KCNH8: variants seen among roughly 807,000 people sequenced by gnomAD.
KCNH8 encodes the protein potassium voltage-gated channel subfamily H member 8.
A neutral mutation model predicts 103.6 loss-of-function variants in KCNH8; 70 were observed. The observed-to-expected ratio is 0.68, with a 90% confidence interval of 0.56 to 0.82. The LOEUF (loss-of-function observed/expected upper bound fraction) is 0.82. KCNH8 is among the 40% of genes least tolerant of loss of function. The pLI, the probability that KCNH8 is intolerant of heterozygous loss-of-function variation, is 0.00. For missense variants in KCNH8, 1,217 were observed against 1,329.9 expected (o/e 0.92, Z 1.32); for synonymous variants, 498 against 489.4 (o/e 1.02, Z -0.23).
chr3:19,153,604 TTTTTC>T (rs1174079244), intron 1 of KCNH8, among the ~76,000 whole-genome samples: 40 of 151,856 alleles, frequency 2.6e-4, no homozygotes, highest in East Asian at 1.2e-3. Flanking sequence ...TTTCTTTTTC[TTTTTC>T]TTTTCTTTTC....
At chr3:19,476,626 G>A (rs1229448457) in intron 11 of KCNH8, among the ~76,000 whole-genome samples, 1 of 152,058 alleles carries the variant, frequency 6.6e-6, no homozygotes, top group Non-Finnish European at 1.5e-5. Context: ...AGATTACCCT[G>A]CTGAATTCCC....
At chr3:19,452,036 A>C (rs985497755) in intron 10 of KCNH8, among the ~76,000 whole-genome samples, 3 of 152,222 alleles carry the variant, frequency 2.0e-5, no homozygotes, top group Non-Finnish European at 4.4e-5. Flanking sequence ...CAAAAATGGC[A>C]TGCAGAGTTA....
intron 1 of KCNH8, among the ~76,000 whole-genome samples, chr3:19,241,521 G>T (rs2064141058): frequency 6.6e-6 from 1 of 151,958 alleles, no homozygotes; most frequent in South Asian, 2.1e-4. Context: ...TCATGACTTA[G>T]GTCTAAAAGG....
chr3:19,169,526 G>A (rs1010576651), intron 1 of KCNH8, among the ~76,000 whole-genome samples: 3 of 152,128 alleles, frequency 2.0e-5, no homozygotes, highest in African/African-American at 7.2e-5. Flanking sequence ...GATTACAGGC[G>A]TGAGCCACCG....
intron 1 of KCNH8, among the ~76,000 whole-genome samples, chr3:19,183,522 G>A (rs1417646982): frequency 6.6e-6 from 1 of 152,138 alleles, no homozygotes; most frequent in East Asian, 1.9e-4. Flanking sequence ...GATGAGTTGG[G>A]AAAAGATGAA....
Position 19,288,069 on chromosome 3 carries a change from C to A in KCNH8, c.442+6740C>A, listed in dbSNP as rs1390893788. The stretch of plus-strand genomic sequence containing the variant: ...AAATCCCACTTCTTTTCTGTATAGT[C>A]AGATTTTCCTGATCTACTTTAGTTC... On this transcript the variant is annotated intron_variant, in intron 3 of 15. Coordinates refer to ENST00000328405, the MANE Select transcript of KCNH8 (RefSeq NM_144633.3). Among the ~76,000 whole-genome samples, 3 of 151,528 alleles carry A rather than the reference C, an allele frequency of 2.0e-5. No individual in the cohort carries two copies. In the South Asian group the frequency reaches 6.3e-4, roughly 32 times the overall value.
At chr3:19,474,653 T>C (rs1315588778) in intron 11 of KCNH8, among the ~76,000 whole-genome samples, 1 of 152,134 alleles carries the variant, frequency 6.6e-6, no homozygotes, top group Non-Finnish European at 1.5e-5. Context: ...AAGAAAATAA[T>C]TAAGGAAAAT....
At chr3:19,333,529 ACT>A (rs1271561309) in intron 3 of KCNH8, among the ~76,000 whole-genome samples, 9 of 152,086 alleles carry the variant, frequency 5.9e-5, no homozygotes, top group Non-Finnish European at 1.5e-5. Flanking sequence ...CCCTGCCCTG[ACT>A]CTGGCAGTAT....
intron 2 of KCNH8, among the ~76,000 whole-genome samples, chr3:19,260,225 A>G (rs918978945): frequency 1.3e-5 from 2 of 151,422 alleles, no homozygotes; most frequent in African/African-American, 4.8e-5. Context: ...TTCCCCTTAA[A>G]ATAATCTTGT....
At chr3:19,212,932 C>G (rs1048487346) in intron 1 of KCNH8, among the ~76,000 whole-genome samples, 6 of 152,072 alleles carry the variant, frequency 3.9e-5, no homozygotes, top group Non-Finnish European at 1.5e-5. Flanking sequence ...TCATCCAACT[C>G]CTTTATTTTT....
chr3:19,498,340 T>C (rs1289956045), intron 11 of KCNH8, among the ~76,000 whole-genome samples: 4 of 152,202 alleles, frequency 2.6e-5, no homozygotes, highest in Non-Finnish European at 5.9e-5. Context: ...CACTGGTCTG[T>C]GTACTTAAGT....
intron 5 of KCNH8, among the ~76,000 whole-genome samples, chr3:19,377,043 A>G (rs1370421299): frequency 3.3e-5 from 5 of 152,234 alleles, no homozygotes; most frequent in East Asian, 1.9e-4. Context: ...TAAGTTGTCA[A>G]TAGAACAAAT....
At chr3:19,345,210 TA>T (rs1467616223) in intron 4 of KCNH8, among the ~76,000 whole-genome samples, 1 of 152,076 alleles carries the variant, frequency 6.6e-6, no homozygotes. Flanking sequence ...AAAGAAATAT[TA>T]AAGATCACAC....
chr3:19,262,122 G>T (rs1253557373), intron 2 of KCNH8, among the ~76,000 whole-genome samples: 2 of 151,380 alleles, frequency 1.3e-5, no homozygotes, highest in Non-Finnish European at 3.0e-5. Flanking sequence ...TGAATTTTAG[G>T]ATTATTTTCT....
At chr3:19,315,466 G>A (rs2065261599) in intron 3 of KCNH8, among the ~76,000 whole-genome samples, 1 of 151,884 alleles carries the variant, frequency 6.6e-6, no homozygotes, top group Non-Finnish European at 1.5e-5. Context: ...TTTGCTGGCT[G>A]TTGTTTCATA....
intron 4 of KCNH8, among the ~76,000 whole-genome samples, chr3:19,346,254 A>G (rs910346260): frequency 6.6e-6 from 1 of 152,056 alleles, no homozygotes; most frequent in African/African-American, 2.4e-5. Flanking sequence ...CCGAATTTTT[A>G]TGAGAAGCCC....
chr3:19,315,217 GA>G (rs2065257827), intron 3 of KCNH8, among the ~76,000 whole-genome samples: 1 of 151,938 alleles, frequency 6.6e-6, no homozygotes, highest in Non-Finnish European at 1.5e-5. Flanking sequence ...AACTGGTAAA[GA>G]AAATGAAGGT....
At chr3:19,239,569 A>T (rs1029469796) in intron 1 of KCNH8, among the ~76,000 whole-genome samples, 2 of 152,182 alleles carry the variant, frequency 1.3e-5, no homozygotes, top group Non-Finnish European at 2.9e-5. Context: ...TTAAAATATT[A>T]ATGGAGAAAA....
intron 1 of KCNH8, among the ~76,000 whole-genome samples, chr3:19,196,967 T>C (rs1197297672): frequency 3.9e-5 from 6 of 152,116 alleles, no homozygotes; most frequent in Admixed American, 3.3e-4. Context: ...CAACTTCAAA[T>C]TCAGAATTTC....
Sources: gnomAD v4.1 joint callset for allele counts (sites outside exome capture counted in the v4.1 genomes callset) on GRCh38, gnomAD v4.1.1 for gene constraint, MANE v1.5 for transcripts, NCBI Gene and HGNC (gene_info 2026-07-23, HGNC 2026-07-21) for gene names.